The following NRXN1 variants were observed in gnomAD, a reference collection of about 807,000 sequenced individuals.
The protein encoded by NRXN1 is neurexin-1.
Under a neutral mutation model 150.9 loss-of-function variants are expected in NRXN1, and 39 were observed. The observed-to-expected ratio is 0.26, with a 90% CI of 0.20 to 0.34. The LOEUF (loss-of-function observed/expected upper bound fraction) is 0.34, where lower values mean the gene tolerates loss of function less well. Ranked by LOEUF, NRXN1 falls within the 10% of genes least tolerant of loss-of-function variation. NRXN1 has a pLI of 1.00. For synonymous variants in NRXN1, 924 were observed against 757.0 expected (o/e 1.22, Z -3.62); for missense variants, 1,815 against 1,949.9 (o/e 0.93, Z 1.30).
At chr2:50,172,243 T>G (rs1413568613) in intron 18 of NRXN1, among the ~76,000 whole-genome samples, 2 of 152,170 alleles carry the variant, frequency 1.3e-5, no homozygotes, top group African/African-American at 4.8e-5. Flanking sequence ...TCTGGTATAT[T>G]TGAACTTTCA....
At chr2:50,753,955 A>ATT (rs11450042) in intron 5 of NRXN1, among the ~76,000 whole-genome samples, 78 of 107,590 alleles carry the variant, frequency 7.2e-4, no homozygotes, top group South Asian at 1.1e-3. Flanking sequence ...CATCATGACG[A>ATT]TTTTTTTTTG....
At chr2:50,278,070 T>C (rs1293432653) in intron 17 of NRXN1, among the ~76,000 whole-genome samples, 168 of 6,406 alleles carry the variant, frequency 0.026, 1 homozygote, top group African/African-American at 0.089. Context: ...TCTCTCTCTT[T>C]TTTTTTTTTT....
At chr2:51,021,599 A>C (rs1238771588) in intron 2 of NRXN1, among the ~76,000 whole-genome samples, 1 of 151,976 alleles carries the variant, frequency 6.6e-6, no homozygotes, top group East Asian at 1.9e-4. Context: ...TAACCTACTT[A>C]TGATAACTAA....
intron 17 of NRXN1, among the ~76,000 whole-genome samples, chr2:50,393,188 C>T (rs1389675894): frequency 6.6e-6 from 1 of 151,482 alleles, no homozygotes; most frequent in Non-Finnish European, 1.5e-5. Context: ...AATAATAAAA[C>T]ATATGTATAC....
intron 21 of NRXN1, among the ~76,000 whole-genome samples, chr2:50,033,668 A>G (rs1464378195): frequency 6.6e-6 from 1 of 152,126 alleles, no homozygotes; most frequent in Non-Finnish European, 1.5e-5. Context: ...AGCAAAAGAA[A>G]TTATCAACAG....
At chr2:50,733,029 T>C (rs1170692825) in intron 5 of NRXN1, among the ~76,000 whole-genome samples, 2 of 152,196 alleles carry the variant, frequency 1.3e-5, no homozygotes, top group African/African-American at 4.8e-5. Context: ...ATATGGCAAG[T>C]ATCCCAAGAA....
chr2:50,848,350 C>T (rs1038611334), intron 5 of NRXN1, among the ~76,000 whole-genome samples: 4 of 152,100 alleles, frequency 2.6e-5, no homozygotes, highest in Admixed American at 2.0e-4. Flanking sequence ...GCCATTTGTC[C>T]TCCTAATGTC....
chr2:50,666,866 GATGATGATGATGA>G (rs886332352), intron 5 of NRXN1, among the ~76,000 whole-genome samples: 7 of 88,912 alleles, frequency 7.9e-5, no homozygotes, highest in Middle Eastern at 6.7e-3. Context: ...TGATGATGAT[GATGATGATGATGA>G]TGTGTGTGTG....
intron 18 of NRXN1, among the ~76,000 whole-genome samples, chr2:50,179,554 A>G (rs929329595): frequency 6.6e-6 from 1 of 152,092 alleles, no homozygotes; most frequent in Non-Finnish European, 1.5e-5. Context: ...AATGATATTG[A>G]TTCTATGGTA....
At chr2:50,576,577 T>C (rs1247663560) in intron 8 of NRXN1, among the ~76,000 whole-genome samples, 2 of 152,104 alleles carry the variant, frequency 1.3e-5, no homozygotes, top group Non-Finnish European at 2.9e-5. Context: ...TACTTGTAAA[T>C]TCAATAGCCT....
At chr2:50,920,727 G>A (rs994407875) in intron 5 of NRXN1, among the ~76,000 whole-genome samples, 2 of 151,828 alleles carry the variant, frequency 1.3e-5, no homozygotes, top group South Asian at 2.1e-4. Flanking sequence ...GATACATACT[G>A]TCATTTGCAT....
intron 19 of NRXN1, among the ~76,000 whole-genome samples, chr2:50,066,278 C>T (rs762043202): frequency 2.6e-5 from 4 of 152,104 alleles, no homozygotes; most frequent in Non-Finnish European, 5.9e-5. Flanking sequence ...TGTTGAAGAG[C>T]TTACACGTTG....
At chr2:50,235,540 T>C (rs1340352212) in intron 18 of NRXN1, among the ~76,000 whole-genome samples, 1 of 152,090 alleles carries the variant, frequency 6.6e-6, no homozygotes, top group Non-Finnish European at 1.5e-5. Flanking sequence ...AAAATTAAGA[T>C]TAAGAAAATA....
intron 5 of NRXN1, among the ~76,000 whole-genome samples, chr2:50,785,665 C>A (rs1705015873): frequency 1.3e-5 from 2 of 152,012 alleles, no homozygotes; most frequent in Admixed American, 1.3e-4. Flanking sequence ...TAAAGAGAAG[C>A]AAAAGCACTG....
At chr2:50,493,586 A>T (rs551374202) in intron 15 of NRXN1, among the ~76,000 whole-genome samples, 1 of 152,118 alleles carries the variant, frequency 6.6e-6, no homozygotes, top group Non-Finnish European at 1.5e-5. Context: ...ACCCTTACCC[A>T]AAGTGGTGAT....
intron 8 of NRXN1, among the ~76,000 whole-genome samples, chr2:50,597,668 A>G (rs772144980): frequency 9.2e-5 from 14 of 152,130 alleles, no homozygotes; most frequent in African/African-American, 1.7e-4. Flanking sequence ...ATTCCTCTTT[A>G]ACTGCATGTT....
chr2:50,369,751 C>T (rs1264109818), intron 17 of NRXN1, among the ~76,000 whole-genome samples: 4 of 151,898 alleles, frequency 2.6e-5, no homozygotes, highest in South Asian at 2.1e-4. Context: ...AGTGGCTAAT[C>T]GAAGTAATGA....
chr2:50,492,741 A>G (rs1038427485), intron 15 of NRXN1, among the ~76,000 whole-genome samples: 2 of 152,198 alleles, frequency 1.3e-5, no homozygotes, highest in Non-Finnish European at 2.9e-5. Flanking sequence ...CCAGCCAACA[A>G]TGTGACTTCA....
chr2:50,720,439 T>C (rs927821122), intron 5 of NRXN1, among the ~76,000 whole-genome samples: 35 of 152,090 alleles, frequency 2.3e-4, no homozygotes, highest in African/African-American at 7.5e-4. Context: ...AAACAAAACA[T>C]CTCCAGTCCT....
Sources: allele counts gnomAD v4.1 joint callset (sites outside exome capture counted in the v4.1 genomes callset), GRCh38; gene constraint gnomAD v4.1.1; transcripts MANE v1.5; gene names NCBI Gene and HGNC (gene_info 2026-07-23, HGNC 2026-07-21).